Variants in CDK15 observed in about 807,000 individuals in gnomAD.
CDK15 encodes the protein cyclin-dependent kinase 15.
A neutral mutation model predicts 60.3 loss-of-function variants in CDK15; 62 were observed. The ratio of observed to expected loss-of-function variants is 1.03; its 90% CI spans 0.84 to 1.27. CDK15 has a LOEUF of 1.27. Ranked by LOEUF, CDK15 falls within the 50% of genes most tolerant of loss-of-function variation. The probability of loss-of-function intolerance (pLI) is 0.00; values close to 1 mark genes in which losing one functional copy is unlikely to be tolerated. For missense variants in CDK15, 541 were observed against 527.8 expected (o/e 1.03, Z -0.25); for synonymous variants, 194 against 195.7 (o/e 0.99, Z 0.07).
chr2:201,840,206 AACTTTAG>A (rs1453517448), intron 8 of CDK15, among the ~76,000 whole-genome samples: 1 of 152,078 alleles, frequency 6.6e-6, no homozygotes, highest in Non-Finnish European at 1.5e-5. Flanking sequence ...GCTGGTTTCG[AACTTTAG>A]ATGTCAGGTG....
chr2:201,835,992 TTA>T (rs370760082), intron 8 of CDK15, among the ~76,000 whole-genome samples: 1 of 116,444 alleles, frequency 8.6e-6, no homozygotes, highest in African/African-American at 3.4e-5. Context: ...TTTTATATAT[TTA>T]TATATATTTA....
Position 201,832,374 on chromosome 2 carries a change from C to T in CDK15, c.607-1474C>T, listed in dbSNP as rs572703152. ...AAACGTATTTTTAAGCACATACTAT[C>T]ATATCTTCTTGTCTTTTACCTGGAA... On this transcript the variant is annotated intron_variant, in intron 6 of 13. Transcript: ENST00000652192. Among the ~76,000 whole-genome samples the T allele has an allele frequency of 4.6e-5, 7 of 152,292 alleles. No individual in the cohort carries two copies. The South Asian group carries it at 6.2e-4, about 14-fold the overall frequency.
At chr2:201,858,884 C>T (rs1698260246) in intron 10 of CDK15, among the ~76,000 whole-genome samples, 1 of 152,096 alleles carries the variant, frequency 6.6e-6, no homozygotes, top group Non-Finnish European at 1.5e-5. Context: ...GTGGGTGTTG[C>T]TCTGTGACCC....
intron 8 of CDK15, among the ~76,000 whole-genome samples, chr2:201,845,959 T>C (rs998160615): frequency 2.6e-5 from 4 of 152,132 alleles, no homozygotes; most frequent in Admixed American, 6.5e-5. Flanking sequence ...TGATTTTTGC[T>C]AAGATTTATT....
In CDK15 at chr2:201,819,104, G is replaced by C. The variant is rs183124366; in HGVS notation, c.449-3705G>C. ...GCACTATGGAAAAGAATAAAGCAGG[G>C]CCCAGAGAGAGAGGGTAGGATGGGG... On this transcript the variant is annotated intron_variant, in intron 4 of 13. Transcript: ENST00000652192. Among the ~76,000 whole-genome samples the C allele has an allele frequency of 7.0e-3, 1,062 of 152,216 alleles. 11 individuals carry two copies. The highest frequency in any genetic ancestry group is 0.01 in the Non-Finnish European group (697 of 68,018).
At position 201,892,967 on chromosome 2, in the gene CDK15, G is replaced by T. The variant is rs908002751; in HGVS notation, c.*34-334G>T. On this transcript the variant is annotated intron_variant, in intron 13 of 13. Coordinates refer to ENST00000652192, the MANE Select transcript of CDK15 (RefSeq NM_001366386.2). ...ATGTCTACAACAGAGAAATAGAGGG[G>T]AACTAAAATTTACTGGATAGATACC... Among the ~76,000 whole-genome samples the T allele has an allele frequency of 1.3e-5, 2 of 152,130 alleles. 1 individual carries two copies. Among genetic ancestry groups the T allele is most frequent in the Admixed American group, 1.3e-4 (2 of 15,276 alleles).
chr2:201,811,016 G>A (rs1695736169), intron 3 of CDK15, among the ~76,000 whole-genome samples: 1 of 151,602 alleles, frequency 6.6e-6, no homozygotes, highest in Non-Finnish European at 1.5e-5. Context: ...CTAATTTTTT[G>A]TATTTTAGTA....
At position 201,853,094 on chromosome 2, in the gene CDK15, G is replaced by A. The variant is rs187227736; in HGVS notation, c.946-1780G>A. 3.3e-3 allele frequency among the ~76,000 whole-genome samples: 508 copies of A among 152,338 alleles called. 5 individuals carry two copies. The highest frequency in any genetic ancestry group is 4.1e-3 in the Admixed American group (62 of 15,298). ...GACTCACACCCACTTGTTTACACAT[G>A]CATCTGTGCAAATACATAAGATGGT... On this transcript the variant is annotated intron_variant, in intron 9 of 13. Transcript: ENST00000652192.
chr2:201,817,456 T>C (rs1021110190), intron 4 of CDK15, among the ~76,000 whole-genome samples: 2 of 152,224 alleles, frequency 1.3e-5, no homozygotes, highest in African/African-American at 2.4e-5. Context: ...AAATAATACA[T>C]CATGTTGTAT....
chr2:201,819,774 A>G (rs747124806), intron 4 of CDK15, among the ~76,000 whole-genome samples: 1 of 152,234 alleles, frequency 6.6e-6, no homozygotes, highest in Non-Finnish European at 1.5e-5. Context: ...AATCTTCATA[A>G]AATGGATGAA....
At chr2:201,848,020 G>C (rs1697745843) in intron 9 of CDK15, among the ~76,000 whole-genome samples, 1 of 152,140 alleles carries the variant, frequency 6.6e-6, no homozygotes, top group Admixed American at 6.6e-5. Context: ...CAGCTATTCA[G>C]GAGGCTGAGA....
intron 8 of CDK15, among the ~76,000 whole-genome samples, chr2:201,836,761 A>C (rs1697109539): frequency 6.6e-6 from 1 of 151,198 alleles, no homozygotes; most frequent in Non-Finnish European, 1.5e-5. Flanking sequence ...GCATGAACAT[A>C]CTCACACATG....
At chr2:201,822,740 C>T (rs1436373921) in intron 4 of CDK15, 69 bp from the exon 5 acceptor site, 5 of 820,970 alleles carry the variant, frequency 6.1e-6, no homozygotes, top group East Asian at 2.6e-5. Flanking sequence ...AAATATATAC[C>T]GTCTGATATC....
intron 6 of CDK15, 150 bp from the exon 7 acceptor site, chr2:201,833,698 A>T: frequency 2.9e-6 from 2 of 694,830 alleles, no homozygotes; most frequent in Non-Finnish European, 2.0e-6. Flanking sequence ...TGAATGTAAA[A>T]ATCTTCTTCT....
intron 7 of CDK15, among the ~76,000 whole-genome samples, chr2:201,835,377 A>C (rs1696961894): frequency 6.6e-6 from 1 of 152,080 alleles, no homozygotes; most frequent in South Asian, 2.1e-4. Flanking sequence ...TTCACACATC[A>C]CCTCTGTTCA....
Position 201,887,733 on chromosome 2 carries a change from A to G in CDK15, c.1199-3052A>G, listed in dbSNP as rs547463994. On this transcript the variant is annotated intron_variant, in intron 12 of 13. Transcript: ENST00000652192. ...ATAATTAATTTTAAAAGGAAAGATCATCTGCTTTAATCGGAAATGTATGTG... is the reference window on the plus strand; with the variant it reads ...ATAATTAATTTTAAAAGGAAAGATCGTCTGCTTTAATCGGAAATGTATGTG... 7.9e-5 allele frequency among the ~76,000 whole-genome samples: 12 copies of G among 152,360 alleles called. No individual in the cohort carries two copies. In the South Asian group the frequency reaches 2.3e-3, roughly 29 times the overall value.
intron 1 of CDK15, 67 bp from the exon 2 acceptor site, chr2:201,807,427 T>A: frequency 6.9e-7 from 1 of 1,453,528 alleles, no homozygotes; most frequent in South Asian, 1.3e-5. Context: ...AAAGAAAAAA[T>A]GGTTTTACCA....
At chr2:201,856,068 T>G (rs1698133986) in intron 10 of CDK15, among the ~76,000 whole-genome samples, 1 of 152,134 alleles carries the variant, frequency 6.6e-6, no homozygotes, top group African/African-American at 2.4e-5. Context: ...CCTCAGGTGA[T>G]CCACTTGCTT....
chr2:201,857,041 G>A (rs576753406), intron 10 of CDK15, among the ~76,000 whole-genome samples: 1 of 54,990 alleles, frequency 1.8e-5, no homozygotes. Flanking sequence ...GGCTAACAAG[G>A]TGAAACCCCG....
Sources: allele counts gnomAD v4.1 joint callset (sites outside exome capture counted in the v4.1 genomes callset), GRCh38; gene constraint gnomAD v4.1.1; transcripts MANE v1.5; gene names NCBI Gene and HGNC (gene_info 2026-07-23, HGNC 2026-07-21).